The following THSD4 variants were observed in gnomAD, a reference collection of about 807,000 sequenced individuals.
THSD4 encodes the protein thrombospondin type-1 domain-containing protein 4.
A neutral mutation model predicts 119.0 loss-of-function variants in THSD4; 69 were observed. The ratio of observed to expected loss-of-function variants is 0.58; its 90% confidence interval spans 0.48 to 0.71. THSD4 has a LOEUF of 0.71. Among genes scored for constraint, THSD4 ranks in the 30% least tolerant of loss-of-function variants. THSD4 has a pLI of 0.00. For synonymous variants in THSD4, 524 were observed against 540.4 expected (o/e 0.97, Z 0.42); for missense variants, 1,393 against 1,391.1 (o/e 1.00, Z -0.02).
In THSD4 at chr15:71,540,773, A is replaced by T. The variant is rs556830949; in HGVS notation, c.1153-119757A>T. 9.5e-3 allele frequency among the ~76,000 whole-genome samples: 1,212 copies of T among 127,894 alleles called. 10 individuals are homozygous for T. Among genetic ancestry groups the T allele is most frequent in the African/African-American group, 0.035 (1,156 of 33,180 alleles). 83.9% of individuals were successfully genotyped at this position (127,894 alleles called of 152,430 possible). On this transcript the variant is annotated intron_variant, in intron 7 of 17. Coordinates refer to ENST00000261862, the MANE Select transcript of THSD4 (RefSeq NM_024817.3). ...AACGAGTCTCTGTCACCCAGGCTGG[A>T]GTGCAGTGGCAGGATCTTGGCTCAC... is the stretch of plus-strand genomic sequence containing the variant.
intron 14 of THSD4, among the ~76,000 whole-genome samples, chr15:71,756,577 G>A (rs183844297): frequency 2.0e-4 from 30 of 152,274 alleles, no homozygotes; most frequent in African/African-American, 7.2e-4. Context: ...GCGCTCAGGA[G>A]TTTGAGACCA....
chr15:71,585,859 T>G (rs2049658177), intron 7 of THSD4, among the ~76,000 whole-genome samples: 1 of 152,212 alleles, frequency 6.6e-6, no homozygotes, highest in South Asian at 2.1e-4. Context: ...TCTGCGTGAT[T>G]GAGTCTGTTG....
intron 6 of THSD4, among the ~76,000 whole-genome samples, chr15:71,352,387 A>G (rs1015100037): frequency 2.6e-5 from 4 of 152,192 alleles, no homozygotes; most frequent in Non-Finnish European, 4.4e-5. Context: ...AGAAGCAGAC[A>G]TGTTTGTTTC....
At chr15:71,764,940 C>T in intron 15 of THSD4, 80 bp from the exon 16 acceptor site, 2 of 1,506,942 alleles carry the variant, frequency 1.3e-6, no homozygotes, top group Non-Finnish European at 8.9e-7. Context: ...CGGTGCCCGT[C>T]ATAAGCATCC....
intron 6 of THSD4, among the ~76,000 whole-genome samples, chr15:71,299,479 A>C (rs989823163): frequency 1.3e-5 from 2 of 152,336 alleles, no homozygotes; most frequent in South Asian, 2.1e-4. Flanking sequence ...GAAGAAGACA[A>C]ATACTGCATT....
intron 8 of THSD4, among the ~76,000 whole-genome samples, chr15:71,704,224 C>G (rs2052351073): frequency 2.0e-5 from 3 of 152,166 alleles, no homozygotes; most frequent in African/African-American, 7.2e-5. Flanking sequence ...GAGTTAGCAC[C>G]CTAACATGAA....
At chr15:71,259,827 ATACAT>A (rs2044368742) in intron 6 of THSD4, among the ~76,000 whole-genome samples, 1 of 152,348 alleles carries the variant, frequency 6.6e-6, no homozygotes, top group Admixed American at 6.5e-5. Context: ...AAATCCTGAA[ATACAT>A]TCTTGTGTCA....
At chr15:71,423,269 C>T (rs779267651) in intron 7 of THSD4, among the ~76,000 whole-genome samples, 1 of 152,148 alleles carries the variant, frequency 6.6e-6, no homozygotes, top group Non-Finnish European at 1.5e-5. Flanking sequence ...AGTTTCTGTC[C>T]ATAGCCACCA....
intron 8 of THSD4, among the ~76,000 whole-genome samples, chr15:71,721,983 A>AAAG (rs1290299774): frequency 6.6e-6 from 1 of 151,928 alleles, no homozygotes; most frequent in Admixed American, 6.6e-5. Context: ...TCTCAAAAAA[A>AAAG]AAAAAGGAAT....
At chr15:71,324,997 A>G (rs1271901001) in intron 6 of THSD4, among the ~76,000 whole-genome samples, 1 of 152,168 alleles carries the variant, frequency 6.6e-6, no homozygotes. Context: ...TTTAATGGCC[A>G]TTCTTGCAGG....
intron 7 of THSD4, among the ~76,000 whole-genome samples, chr15:71,554,001 A>T (rs982784368): frequency 2.0e-5 from 3 of 150,720 alleles, no homozygotes; most frequent in Non-Finnish European, 4.4e-5. Context: ...CAGGGTTTTG[A>T]TAGTTTTGTA....
intron 7 of THSD4, among the ~76,000 whole-genome samples, chr15:71,497,701 C>T (rs1309775084): frequency 6.6e-6 from 1 of 152,146 alleles, no homozygotes; most frequent in African/African-American, 2.4e-5. Context: ...ACTTGCCAAG[C>T]TAGCGTCACC....
At chr15:71,281,105 G>A (rs2044646385) in intron 6 of THSD4, among the ~76,000 whole-genome samples, 1 of 152,202 alleles carries the variant, frequency 6.6e-6, no homozygotes, top group Non-Finnish European at 1.5e-5. Context: ...AGGTGTTCAT[G>A]GATTTAACTC....
intron 6 of THSD4, among the ~76,000 whole-genome samples, chr15:71,398,364 C>T (rs958001954): frequency 4.6e-5 from 7 of 151,688 alleles, no homozygotes; most frequent in Admixed American, 2.0e-4. Flanking sequence ...GGGAGGGTGA[C>T]CTGAAGAAGG....
intron 6 of THSD4, among the ~76,000 whole-genome samples, chr15:71,303,768 G>A (rs1515675): frequency 0.047 from 7,148 of 152,206 alleles, 195 homozygotes; most frequent in South Asian, 0.085. Flanking sequence ...ATAGCCTATT[G>A]TAGTGACTCT....
intron 8 of THSD4, among the ~76,000 whole-genome samples, chr15:71,719,588 A>G (rs558734858): frequency 5.9e-5 from 9 of 152,362 alleles, no homozygotes; most frequent in Admixed American, 5.2e-4. Context: ...TAGGCAGTCT[A>G]TGGGTACCTT....
At chr15:71,622,302 G>A (rs554790157) in intron 7 of THSD4, among the ~76,000 whole-genome samples, 84 of 152,298 alleles carry the variant, frequency 5.5e-4, no homozygotes, top group Non-Finnish European at 1.1e-3. Context: ...TTGGGTAATA[G>A]CAATTACTTA....
At chr15:71,549,234 CAG>C (rs2048889449) in intron 7 of THSD4, among the ~76,000 whole-genome samples, 1 of 152,216 alleles carries the variant, frequency 6.6e-6, no homozygotes, top group Admixed American at 6.5e-5. Flanking sequence ...AAAACCCGAT[CAG>C]AGGTAGTGAG....
intron 5 of THSD4, among the ~76,000 whole-genome samples, chr15:71,253,998 A>G (rs182407154): frequency 1.3e-5 from 2 of 152,320 alleles, no homozygotes; most frequent in African/African-American, 4.8e-5. Context: ...CTAGCCTATT[A>G]GCCATTTTAC....
Sources: gnomAD v4.1 joint callset for allele counts (sites outside exome capture counted in the v4.1 genomes callset) on GRCh38, gnomAD v4.1.1 for gene constraint, MANE v1.5 for transcripts, NCBI Gene and HGNC (gene_info 2026-07-23, HGNC 2026-07-21) for gene names.